WDFY4: variants seen among roughly 807,000 people sequenced by gnomAD.
WDFY4 encodes the protein WDFY family member 4, also known as WD repeat- and FYVE domain-containing protein 4.
In WDFY4, 169 loss-of-function variants were observed where a neutral mutation model predicts 351.9. The ratio of observed to expected loss-of-function variants is 0.48; its 90% CI spans 0.42 to 0.55. The LOEUF (loss-of-function observed/expected upper bound fraction) is 0.55, where lower values mean the gene tolerates loss of function less well. WDFY4 is among the 20% of genes least tolerant of loss of function. The pLI, the probability that WDFY4 is intolerant of heterozygous loss-of-function variation, is 0.00. For missense variants in WDFY4, 3,803 were observed against 3,935.6 expected (o/e 0.97, Z 0.90); for synonymous variants, 1,622 against 1,574.6 (o/e 1.03, Z -0.71).
chr10:48,776,858 A>T lies in WDFY4; in HGVS notation c.2972A>T (p.Asp991Val). Residue 991 changes from aspartate (D) to valine (V), a missense_variant, in exon 16 of 62, where the codon GAT becomes GTT. This residue lies in a region of WDFY4 where 3,054 missense variants were observed against 3,148.6 expected (regional missense o/e 0.97). Transcript: ENST00000325239. Reference sequence around the variant, plus strand: ...CCGCAGCCCTTGGGGGAATCCCAGGATTCAACTACTGCTCTTCAGACGGCG... The same window carrying T: ...CCGCAGCCCTTGGGGGAATCCCAGGTTTCAACTACTGCTCTTCAGACGGCG... ...QAPQPLGESQ[D>V]STTALQTALS... 2 of 1,551,810 alleles carry T rather than the reference A, an allele frequency of 1.3e-6. No individual in the cohort carries two copies. The highest frequency in any genetic ancestry group is 1.7e-6 in the Non-Finnish European group (2 of 1,147,014).
At position 48,974,933 on chromosome 10, in the gene WDFY4, C is replaced by T. The variant is rs1842501355; in HGVS notation, c.9000C>T (p.Gly3000=). 2 of 1,551,696 alleles carry T rather than the reference C, an allele frequency of 1.3e-6. No homozygotes were observed. Among genetic ancestry groups the T allele is most frequent in the Admixed American group, 2.0e-5 (1 of 51,016 alleles). ...ASVTFSLLVS[G]SQDCTCILWD... is the part of the protein sequence containing the mutation. ...TCACCTTCAGCCTCCTGGTGAGCGG[C>T]TCCCAGGACTGCACCTGTATCCTGT... is the stretch of plus-strand genomic sequence containing the variant. Residue 3000 remains glycine (G), a synonymous_variant, in exon 58 of 62, where the codon GGC becomes GGT. Transcript: ENST00000325239.
intron 13 of WDFY4, among the ~76,000 whole-genome samples, chr10:48,771,021 A>T (rs1187953898): frequency 1.3e-5 from 2 of 152,198 alleles, no homozygotes; most frequent in African/African-American, 4.8e-5. Flanking sequence ...TTAAACCAGA[A>T]AAGTTATTGA....
chr10:48,850,581 A>T lies in WDFY4; in HGVS notation c.6664-16684A>T, dbSNP rs1486226391. On this transcript the variant is annotated intron_variant, in intron 39 of 61. Coordinates refer to ENST00000325239, the MANE Select transcript of WDFY4 (RefSeq NM_001394531.1). ...TTCTAACATTTTTGGTGTGTGTATTACTCAGAAAGTATTAGGTTATGTTAC... is the reference window on the plus strand; with the variant it reads ...TTCTAACATTTTTGGTGTGTGTATTTCTCAGAAAGTATTAGGTTATGTTAC... Among the ~76,000 whole-genome samples, 4 of 152,172 alleles carry T rather than the reference A, an allele frequency of 2.6e-5. No individual in the cohort carries two copies. The East Asian group carries it at 7.7e-4, about 29-fold the overall frequency.
At chr10:48,843,674 G>C (rs765202834) in intron 39 of WDFY4, among the ~76,000 whole-genome samples, 1 of 152,116 alleles carries the variant, frequency 6.6e-6, no homozygotes, top group African/African-American at 2.4e-5. Context: ...TTTGAAAATC[G>C]AATGTAGTTC....
At chr10:48,936,188 C>A (rs950505815) in intron 47 of WDFY4, among the ~76,000 whole-genome samples, 2 of 151,830 alleles carry the variant, frequency 1.3e-5, no homozygotes, top group African/African-American at 4.8e-5. Context: ...AAAATGACTT[C>A]AATTTAGAAA....
At chr10:48,758,393 AT>A (rs915284558) in intron 12 of WDFY4, among the ~76,000 whole-genome samples, 5 of 151,822 alleles carry the variant, frequency 3.3e-5, no homozygotes, top group Admixed American at 6.6e-5. Flanking sequence ...TCTGGGCATA[AT>A]TTTTTTTGTT....
intron 43 of WDFY4, among the ~76,000 whole-genome samples, chr10:48,879,751 C>A (rs2070171885): frequency 6.6e-6 from 1 of 152,166 alleles, no homozygotes; most frequent in South Asian, 2.1e-4. Flanking sequence ...TGTTCCCTGC[C>A]TGCTGGCTGC....
rs186130598 is a variant in WDFY4, at chr10:48,848,883, C to T, written c.6663+16174C>T. 3.4e-3 allele frequency among the ~76,000 whole-genome samples: 523 copies of T among 152,338 alleles called. 3 individuals are homozygous for T. The highest frequency in any genetic ancestry group is 0.012 in the African/African-American group (482 of 41,578). On this transcript the variant is annotated intron_variant, in intron 39 of 61. Transcript: ENST00000325239. The stretch of plus-strand genomic sequence containing the variant: ...GTGGCTCCTCTGTTCCTCACTGCTA[C>T]GACTGTGGTCACCAAATCCCTCATC...
At chr10:48,963,685 A>G (rs539146859) in intron 53 of WDFY4, among the ~76,000 whole-genome samples, 157 bp from the exon 54 acceptor site, 10 of 152,140 alleles carry the variant, frequency 6.6e-5, no homozygotes, top group Non-Finnish European at 1.5e-4. Context: ...TGGCTGGCTC[A>G]TCCTGCCTCT....
chr10:48,966,651 G>A lies in WDFY4; in HGVS notation c.8562G>A (p.Arg2854=), dbSNP rs889470060. 2 of 1,551,720 alleles carry A rather than the reference G, an allele frequency of 1.3e-6. No homozygotes were observed. Among genetic ancestry groups the A allele is most frequent in the Non-Finnish European group, 1.7e-6 (2 of 1,146,994 alleles). ...TTTTCTACAGCCTGCAGTCGCTGAGGCCCTCCCAGGTCACGGTCAAAGGTG... is the reference window on the plus strand; with the variant it reads ...TTTTCTACAGCCTGCAGTCGCTGAGACCCTCCCAGGTCACGGTCAAAGGTG... The part of the protein sequence containing the change: ...QPFFYSLQSL[R]PSQVTVKDMY... The change falls in exon 55 of 62, where the codon AGG becomes AGA. Residue 2854 remains arginine (R), a synonymous_variant. Transcript: ENST00000325239.
At chr10:48,812,190 G>GTTTTTTTT (rs199764757) in intron 30 of WDFY4, among the ~76,000 whole-genome samples, 3 of 137,532 alleles carry the variant, frequency 2.2e-5, no homozygotes, top group African/African-American at 3.0e-5. Context: ...TTTTTTTTTT[G>GTTTTTTTT]TTTTTTTTGT....
At chr10:48,784,606 A>G (rs1323287246) in intron 19 of WDFY4, among the ~76,000 whole-genome samples, 1 of 126,630 alleles carries the variant, frequency 7.9e-6, no homozygotes, top group African/African-American at 3.2e-5. Flanking sequence ...AAGTGGTGCA[A>G]TCTCGGCTCA....
intron 43 of WDFY4, chr10:48,878,391 C>A (rs145016786): frequency 1.2e-4 from 19 of 152,312 alleles, no homozygotes; most frequent in African/African-American, 4.6e-4. Context: ...GGAATAGGTC[C>A]TAGGCTCAGA....
chr10:48,844,601 A>AT (rs1316325021), intron 39 of WDFY4, among the ~76,000 whole-genome samples: 1 of 152,132 alleles, frequency 6.6e-6, no homozygotes. Flanking sequence ...TCGAACAAAA[A>AT]AGAAAAGCAC....
Position 48,977,300 on chromosome 10 carries a change from C to T in WDFY4, c.9291+321C>T, listed in dbSNP as rs116628079. Among the ~76,000 whole-genome samples the T allele has an allele frequency of 4.8e-3, 737 of 152,120 alleles. 6 individuals carry two copies. Among genetic ancestry groups the T allele is most frequent in the African/African-American group, 0.017 (704 of 41,494 alleles). On this transcript the variant is annotated intron_variant, in intron 59 of 61. Transcript: ENST00000325239. ...TCCCAATGCTAAAAGGAGATATTTG[C>T]GTCATCCATTCAAACCAAACTTGCC... is the stretch of plus-strand genomic sequence containing the variant.
At chr10:48,688,877 G>A (rs1015528043) in intron 1 of WDFY4, among the ~76,000 whole-genome samples, 3 of 152,208 alleles carry the variant, frequency 2.0e-5, no homozygotes, top group African/African-American at 7.2e-5. Context: ...GATGACTCCA[G>A]AGTAACAGGA....
At chr10:48,703,962 T>G (rs1223171714) in intron 1 of WDFY4, among the ~76,000 whole-genome samples, 1 of 152,064 alleles carries the variant, frequency 6.6e-6, no homozygotes, top group African/African-American at 2.4e-5. Context: ...CCAGCACTGG[T>G]GCTGCTGAGG....
intron 44 of WDFY4, among the ~76,000 whole-genome samples, chr10:48,891,043 G>A (rs1385967238): frequency 6.6e-6 from 1 of 152,180 alleles, no homozygotes; most frequent in Non-Finnish European, 1.5e-5. Context: ...CTCACTCAAC[G>A]ACATGTTAGT....
At chr10:48,742,886 G>A (rs2064896244) in intron 11 of WDFY4, 82 bp from the exon 12 acceptor site, 5 of 1,308,992 alleles carry the variant, frequency 3.8e-6, no homozygotes, top group Non-Finnish European at 5.1e-6. Context: ...GAGCTAGTGG[G>A]ACGCTCTGGC....
Sources: gnomAD v4.1 joint callset for allele counts (sites outside exome capture counted in the v4.1 genomes callset) on GRCh38, gnomAD v4.1.1 for gene constraint, gnomAD v4.1.1 regional missense constraint, MANE v1.5 for transcripts, NCBI Gene and HGNC (gene_info 2026-07-23, HGNC 2026-07-21) for gene names.